The following RP1L1 variants were observed in gnomAD, a reference collection of about 807,000 sequenced individuals.
RP1L1 encodes RP1 like 1.
Under a neutral mutation model 15.7 loss-of-function variants are expected in RP1L1, and 27 were observed. The observed-to-expected ratio is 1.72, with a 90% confidence interval of 1.27 to 2.38. The LOEUF is 2.38. RP1L1 is among the 30% of genes most tolerant of loss of function. The probability of loss-of-function intolerance (pLI) is 0.00; values close to 1 mark genes in which losing one functional copy is unlikely to be tolerated. For synonymous variants in RP1L1, 1,813 were observed against 1,276.7 expected (o/e 1.42, Z -8.96); for missense variants, 4,798 against 3,075.9 (o/e 1.56, Z -13.24).
At chr8:10,616,719 C>A (rs1797972857) in intron 2 of RP1L1, 132 bp from the exon 3 acceptor site, 2 of 1,069,096 alleles carry the variant, frequency 1.9e-6, no homozygotes, top group South Asian at 1.7e-5. Context: ...GACTCCTGGT[C>A]CAAGGAGGGG....
rs1440623552 is a variant in RP1L1 at position 10,610,353 on chromosome 8, C to G, written c.3745G>C (p.Asp1249His). The change falls in exon 4 of 4, where the codon GAT (aspartate) becomes CAT (histidine). Residue 1249 changes from aspartate (D) to histidine (H), a missense_variant. Asp to His is a moderately conservative substitution (Grantham distance 81). Coordinates refer to ENST00000382483, the MANE Select transcript of RP1L1 (RefSeq NM_178857.6). ...CAACACTGCTGTTGGTTTTCCAGAT[C>G]CCCTGGGCTCTCATAAGTTCTTGAA... ...PDSRTYESPG[D>H]LENQQQCCFP... 9 of 1,614,004 alleles carry G rather than the reference C, an allele frequency of 5.6e-6. No homozygotes were observed. The highest frequency in any genetic ancestry group is 7.6e-6 in the Non-Finnish European group (9 of 1,180,044).
intron 2 of RP1L1, among the ~76,000 whole-genome samples, chr8:10,617,399 CAAAAA>C (rs369885056): frequency 2.3e-4 from 19 of 83,018 alleles, no homozygotes; most frequent in African/African-American, 6.6e-4. Flanking sequence ...TGCTCATTAA[CAAAAA>C]AAAAAAAAAA....
intron 1 of RP1L1, among the ~76,000 whole-genome samples, chr8:10,651,199 A>G (rs113218950): frequency 0.022 from 3,238 of 147,300 alleles, 87 homozygotes; most frequent in African/African-American, 0.061. Context: ...TTGGGCCTGC[A>G]GTCTGAGCCT....
At chr8:10,644,725 G>C (rs976696051) in intron 1 of RP1L1, among the ~76,000 whole-genome samples, 1 of 152,180 alleles carries the variant, frequency 6.6e-6, no homozygotes, top group African/African-American at 2.4e-5. Context: ...CACACCCACA[G>C]CTCTCACACC....
chr8:10,635,268 C>T (rs1279305278), intron 1 of RP1L1, among the ~76,000 whole-genome samples: 1 of 151,538 alleles, frequency 6.6e-6, no homozygotes, highest in Non-Finnish European at 1.5e-5. Context: ...GACCCGTTAG[C>T]CTCAGCAGCC....
intron 1 of RP1L1, among the ~76,000 whole-genome samples, chr8:10,632,216 T>C (rs1488036041): frequency 6.6e-6 from 1 of 152,188 alleles, no homozygotes; most frequent in East Asian, 1.9e-4. Context: ...TGTCCGACTG[T>C]GGGAAATCCC....
intron 1 of RP1L1, among the ~76,000 whole-genome samples, chr8:10,647,719 G>A (rs998240004): frequency 1.3e-4 from 20 of 152,176 alleles, no homozygotes; most frequent in Non-Finnish European, 2.2e-4. Context: ...ATATGCCAGT[G>A]TTTGTGTTTA....
chr8:10,645,595 CT>C (rs372756636), intron 1 of RP1L1, among the ~76,000 whole-genome samples: 1 of 152,094 alleles, frequency 6.6e-6, no homozygotes, highest in African/African-American at 2.4e-5. Flanking sequence ...CCCCAGGTAA[CT>C]CGGAAGCACA....
At chr8:10,642,045 G>C (rs947267619) in intron 1 of RP1L1, among the ~76,000 whole-genome samples, 1 of 152,148 alleles carries the variant, frequency 6.6e-6, no homozygotes, top group African/African-American at 2.4e-5. Context: ...TCTTGGTGGT[G>C]ATATTGTACT....
chr8:10,637,348 A>G (rs1798345320), intron 1 of RP1L1, among the ~76,000 whole-genome samples: 1 of 152,248 alleles, frequency 6.6e-6, no homozygotes. Flanking sequence ...TAAGCCAATT[A>G]GGCAAAAAGA....
At position 10,608,288 on chromosome 8, in the gene RP1L1, C is replaced by G. The variant is rs1340274985; in HGVS notation, c.5810G>C (p.Gly1937Ala). 3 of 1,593,486 alleles carry G rather than the reference C, an allele frequency of 1.9e-6. No homozygotes were observed. The highest frequency in any genetic ancestry group is 2.6e-6 in the Non-Finnish European group (3 of 1,166,574). The change falls in exon 4 of 4, where the codon GGT (glycine) becomes GCT (alanine). Residue 1937 changes from glycine to alanine, a missense_variant. Coordinates refer to ENST00000382483, the MANE Select transcript of RP1L1 (RefSeq NM_178857.6). Reference protein sequence around the residue: ...TEGEDEPESEGAEAQEAEEAA... With the variant: ...TEGEDEPESEAAEAQEAEEAA... The stretch of plus-strand genomic sequence containing the variant: ...CTCTTCTGCCTCTTGGGCCTCTGCA[C>G]CTTCTGACTCTGGCTCGTCCTCCCC...
chr8:10,649,016 T>C (rs1173326929), intron 1 of RP1L1, among the ~76,000 whole-genome samples: 1 of 152,182 alleles, frequency 6.6e-6, no homozygotes, highest in Non-Finnish European at 1.5e-5. Context: ...CTCCCAGCCC[T>C]ACTTTCATGC....
At position 10,611,480 on chromosome 8, in the gene RP1L1, G is replaced by C; in HGVS notation, c.2618C>G (p.Thr873Ser). ...PQRRSSSCGS[T>S]GSSHQSTARG... is the part of the protein sequence containing the mutation. Reference sequence around the variant, plus strand: ...GGCAGTGCTTTGGTGGCTGCTGCCGGTGCTCCCACAGCTGGAAGAGCGCCT... The same window carrying C: ...GGCAGTGCTTTGGTGGCTGCTGCCGCTGCTCCCACAGCTGGAAGAGCGCCT... Residue 873 changes from threonine to serine, a missense_variant, in exon 4 of 4, where the codon ACC becomes AGC. By Grantham distance (58) the Thr-to-Ser change is moderately conservative (BLOSUM62 1). Transcript: ENST00000382483. The C allele has an allele frequency of 1.3e-6, 2 of 1,571,024 alleles. No individual in the cohort carries two copies. The highest frequency in any genetic ancestry group is 1.7e-6 in the Non-Finnish European group (2 of 1,160,436).
chr8:10,654,485 G>T (rs1340274092), intron 1 of RP1L1, among the ~76,000 whole-genome samples: 1 of 151,970 alleles, frequency 6.6e-6, no homozygotes, highest in African/African-American at 2.4e-5. Flanking sequence ...CACCCCAGCT[G>T]ACCTCACCCT....
At chr8:10,637,214 G>A (rs1488480763) in intron 1 of RP1L1, among the ~76,000 whole-genome samples, 1 of 152,232 alleles carries the variant, frequency 6.6e-6, no homozygotes, top group Non-Finnish European at 1.5e-5. Context: ...CACGTAGTAA[G>A]GGGCGTCCCC....
At chr8:10,642,429 C>T (rs980029325) in intron 1 of RP1L1, among the ~76,000 whole-genome samples, 5 of 152,222 alleles carry the variant, frequency 3.3e-5, no homozygotes, top group Non-Finnish European at 5.9e-5. Flanking sequence ...TCCCCCCTTG[C>T]TCCTTGCTTC....
rs1797826016 is a variant in RP1L1 at position 10,610,519 on chromosome 8, G to A, written c.3579C>T (p.Phe1193=). 2.5e-6 allele frequency: 4 copies of A among 1,613,780 alleles called. No homozygotes were observed. Among genetic ancestry groups the A allele is most frequent in the Non-Finnish European group, 3.4e-6 (4 of 1,180,038 alleles). The change falls in exon 4 of 4, where the codon TTC becomes TTT. Residue 1193 remains phenylalanine (F), a synonymous_variant. Coordinates refer to ENST00000382483, the MANE Select transcript of RP1L1 (RefSeq NM_178857.6). ...DLGSHAMTEN[F]TPTSSSGVDI... ...CCACACCAGAGGAGGATGTGGGCGT[G>A]AAGTTCTCCGTCATGGCATGGGACC...
At chr8:10,651,163 T>C (rs1219146443) in intron 1 of RP1L1, among the ~76,000 whole-genome samples, 1 of 152,212 alleles carries the variant, frequency 6.6e-6, no homozygotes, top group South Asian at 2.1e-4. Context: ...GTTCTTCCCA[T>C]ACCAGAGGTT....
chr8:10,614,037 T>C (rs369255587), intron 3 of RP1L1, among the ~76,000 whole-genome samples: 10 of 152,210 alleles, frequency 6.6e-5, no homozygotes, highest in Non-Finnish European at 1.3e-4. Context: ...ACTTCCTTTA[T>C]AGTTGCTAGC....
Sources: gnomAD v4.1 joint callset for allele counts (sites outside exome capture counted in the v4.1 genomes callset) on GRCh38, gnomAD v4.1.1 for gene constraint, MANE v1.5 for transcripts, NCBI Gene and HGNC (gene_info 2026-07-23, HGNC 2026-07-21) for gene names.